The following UBE2D2 variants were observed in gnomAD, a reference collection of about 807,000 sequenced individuals.
UBE2D2 encodes ubiquitin conjugating enzyme E2 D2, also known as ubiquitin-conjugating enzyme E2 D2.
Under a neutral mutation model 24.2 loss-of-function variants are expected in UBE2D2, and 2 were observed. The observed-to-expected ratio is 0.08, with a 90% CI of 0.03 to 0.26. The LOEUF (loss-of-function observed/expected upper bound fraction) is 0.26. Ranked by LOEUF, UBE2D2 falls within the 10% of genes least tolerant of loss-of-function variation. The pLI, the probability that UBE2D2 is intolerant of heterozygous loss-of-function variation, is 1.00. For missense variants in UBE2D2, 44 were observed against 177.6 expected (o/e 0.25, Z 4.28); for synonymous variants, 58 against 56.5 (o/e 1.03, Z -0.12).
chr5:139,541,997 G>A (rs1029390113), intron 1 of UBE2D2, among the ~76,000 whole-genome samples: 1 of 152,072 alleles, frequency 6.6e-6, no homozygotes, highest in Non-Finnish European at 1.5e-5. Flanking sequence ...GACCAGCCTG[G>A]CCAACATGGC....
At chr5:139,535,129 G>A (rs906636255) in intron 1 of UBE2D2, among the ~76,000 whole-genome samples, 1 of 150,504 alleles carries the variant, frequency 6.6e-6, no homozygotes, top group African/African-American at 2.4e-5. Context: ...GTGACAAAGT[G>A]AGACTTTATC....
At chr5:139,536,341 C>T (rs538892864) in intron 1 of UBE2D2, among the ~76,000 whole-genome samples, 3 of 151,706 alleles carry the variant, frequency 2.0e-5, no homozygotes, top group Non-Finnish European at 2.9e-5. Context: ...TTGAGTGATC[C>T]GCCCGCCTCC....
chr5:139,602,111 G>A (rs1399181249), intron 2 of UBE2D2, among the ~76,000 whole-genome samples: 1 of 152,056 alleles, frequency 6.6e-6, no homozygotes, highest in Non-Finnish European at 1.5e-5. Flanking sequence ...GAGTGCAGTG[G>A]CGTGACCTCG....
intron 5 of UBE2D2, among the ~76,000 whole-genome samples, chr5:139,618,097 C>T (rs572002660): frequency 6.6e-6 from 1 of 152,184 alleles, no homozygotes; most frequent in African/African-American, 2.4e-5. Flanking sequence ...CCTCAGCCTT[C>T]TGAGCAGCTG....
At chr5:139,570,033 A>T (rs1753317198) in intron 1 of UBE2D2, among the ~76,000 whole-genome samples, 1 of 152,016 alleles carries the variant, frequency 6.6e-6, no homozygotes, top group Admixed American at 6.6e-5. Context: ...AGGTGGGAGG[A>T]TTGCTTGTAC....
chr5:139,531,366 C>G (rs553300124), intron 1 of UBE2D2, among the ~76,000 whole-genome samples: 2 of 152,216 alleles, frequency 1.3e-5, no homozygotes, highest in African/African-American at 4.8e-5. Context: ...CAGCCCCTGT[C>G]ACGTACCGCC....
At chr5:139,571,942 A>G (rs1280326480) in intron 1 of UBE2D2, among the ~76,000 whole-genome samples, 3 of 151,196 alleles carry the variant, frequency 2.0e-5, no homozygotes, top group South Asian at 2.1e-4. Flanking sequence ...AAAAAAAAAA[A>G]GCAGTAAAAT....
intron 1 of UBE2D2, among the ~76,000 whole-genome samples, chr5:139,579,356 A>G (rs528147731): frequency 1.3e-5 from 2 of 152,170 alleles, no homozygotes; most frequent in African/African-American, 4.8e-5. Flanking sequence ...CATGTTGGTC[A>G]GGCTGGTCTC....
intron 1 of UBE2D2, among the ~76,000 whole-genome samples, chr5:139,596,319 A>C (rs962697236): frequency 4.6e-5 from 7 of 151,030 alleles, no homozygotes; most frequent in South Asian, 2.1e-4. Flanking sequence ...TGTGTGACAG[A>C]GTCTCGCTCT....
chr5:139,564,089 C>T (rs1225711366), intron 1 of UBE2D2, among the ~76,000 whole-genome samples: 1 of 152,074 alleles, frequency 6.6e-6, no homozygotes, highest in Non-Finnish European at 1.5e-5. Flanking sequence ...TACATATTTT[C>T]TAGAATAGAT....
At chr5:139,603,923 TG>T (rs1754136617) in intron 2 of UBE2D2, among the ~76,000 whole-genome samples, 1 of 152,040 alleles carries the variant, frequency 6.6e-6, no homozygotes, top group South Asian at 2.1e-4. Context: ...CACTCCAGCC[TG>T]GGCAACAAGA....
chr5:139,586,149 T>G (rs1167418855), intron 1 of UBE2D2, among the ~76,000 whole-genome samples: 6 of 151,970 alleles, frequency 3.9e-5, no homozygotes, highest in Non-Finnish European at 1.5e-5. Context: ...AAACCATAAC[T>G]GCTGTTGTGA....
intron 2 of UBE2D2, among the ~76,000 whole-genome samples, chr5:139,601,415 T>A (rs1693113452): frequency 6.6e-6 from 1 of 151,860 alleles, no homozygotes; most frequent in Non-Finnish European, 1.5e-5. Flanking sequence ...ACCAGCTTGG[T>A]CAACATGGTG....
intron 1 of UBE2D2, among the ~76,000 whole-genome samples, chr5:139,535,290 C>CAAAAAAAAA (rs527336000): frequency 1.3e-5 from 1 of 76,510 alleles, no homozygotes; most frequent in Non-Finnish European, 2.8e-5. Context: ...ACTAAAAATA[C>CAAAAAAAAA]AAAAAAAAAA....
chr5:139,553,719 A>G (rs1233533897), intron 1 of UBE2D2, among the ~76,000 whole-genome samples: 1 of 152,168 alleles, frequency 6.6e-6, no homozygotes, highest in Admixed American at 6.6e-5. Context: ...TATTGTTTCT[A>G]TACATATATC....
rs146062774 is a variant in UBE2D2 at position 139,581,705 on chromosome 5, G to A, written c.25-18667G>A. Among the ~76,000 whole-genome samples, 1,207 of 152,138 alleles carry A rather than the reference G, an allele frequency of 7.9e-3. 18 individuals carry two copies. Among genetic ancestry groups the A allele is most frequent in the Non-Finnish European group, 0.014 (961 of 68,000 alleles). ...TGTTTTTGAGATGGAGTCTCGATCC[G>A]TCACCCACGCTGGAGTGCAGTGGTG... On this transcript the variant is annotated intron_variant, in intron 1 of 6. Transcript: ENST00000398733.
At chr5:139,539,011 C>T (rs184291182) in intron 1 of UBE2D2, among the ~76,000 whole-genome samples, 4 of 152,094 alleles carry the variant, frequency 2.6e-5, no homozygotes, top group Admixed American at 6.6e-5. Context: ...AAGGGAATTA[C>T]GTGACTGAGA....
At chr5:139,589,665 A>C (rs950563173) in intron 1 of UBE2D2, among the ~76,000 whole-genome samples, 3 of 152,248 alleles carry the variant, frequency 2.0e-5, no homozygotes, top group African/African-American at 7.2e-5. Context: ...TTTATTTAGA[A>C]GAAAATGGCT....
chr5:139,550,924 CAGTG>C (rs947211129), intron 1 of UBE2D2, among the ~76,000 whole-genome samples: 3 of 152,160 alleles, frequency 2.0e-5, no homozygotes, highest in Non-Finnish European at 2.9e-5. Context: ...TTCTTCAAGT[CAGTG>C]AGACCAAGAA....
Sources: gnomAD v4.1 joint callset for allele counts (sites outside exome capture counted in the v4.1 genomes callset) on GRCh38, gnomAD v4.1.1 for gene constraint, MANE v1.5 for transcripts, NCBI Gene and HGNC (gene_info 2026-07-23, HGNC 2026-07-21) for gene names.